The following CDC14A variants were observed in gnomAD, a reference collection of about 807,000 sequenced individuals.
The protein encoded by CDC14A is cell division cycle 14A.
In CDC14A, 53 loss-of-function variants were observed where a neutral mutation model predicts 74.4. The observed-to-expected ratio is 0.71, with a 90% CI of 0.57 to 0.89. CDC14A has a LOEUF of 0.89. CDC14A is among the 40% of genes least tolerant of loss of function. The pLI is 0.00. For missense variants in CDC14A, 646 were observed against 713.7 expected, an observed-to-expected ratio of 0.91 and a Z score of 1.08; for synonymous variants, 247 against 258.4, an observed-to-expected ratio of 0.96 and a Z score of 0.43.
intron 2 of CDC14A, among the ~76,000 whole-genome samples, chr1:100,355,742 A>G (rs1314328118): frequency 6.6e-6 from 1 of 152,208 alleles, no homozygotes; most frequent in Admixed American, 6.5e-5. Context: ...TTACCCCAAC[A>G]TATTACATGG....
chr1:100,359,944 C>CTTT (rs750715999), intron 2 of CDC14A, among the ~76,000 whole-genome samples: 5 of 124,694 alleles, frequency 4.0e-5, no homozygotes, highest in Non-Finnish European at 7.1e-5. Context: ...TCACCTTCTT[C>CTTT]TTTTTTTTTT....
chr1:100,507,537 T>C (rs1649350208), intron 15 of CDC14A, among the ~76,000 whole-genome samples: 1 of 152,138 alleles, frequency 6.6e-6, no homozygotes, highest in South Asian at 2.1e-4. Flanking sequence ...TGGCCTCAAG[T>C]GATCCTCCTG....
At chr1:100,493,576 A>T (rs1382564504) in intron 11 of CDC14A, among the ~76,000 whole-genome samples, 2 of 152,106 alleles carry the variant, frequency 1.3e-5, no homozygotes, top group African/African-American at 2.4e-5. Flanking sequence ...GCAACTTGAG[A>T]CTCTAAGAGA....
intron 15 of CDC14A, chr1:100,499,545 C>A: frequency 1.0e-6 from 1 of 953,906 alleles, no homozygotes; most frequent in Non-Finnish European, 1.5e-6. Flanking sequence ...AGCTTTCATT[C>A]TTTTGATTAT....
At chr1:100,435,557 G>A (rs758458155) in intron 5 of CDC14A, among the ~76,000 whole-genome samples, 6 of 152,068 alleles carry the variant, frequency 3.9e-5, no homozygotes, top group Non-Finnish European at 7.4e-5. Flanking sequence ...GACTGGGCGC[G>A]GTGGCTCACG....
chr1:100,515,285 C>T (rs981990560), intron 15 of CDC14A, among the ~76,000 whole-genome samples: 3 of 152,160 alleles, frequency 2.0e-5, no homozygotes, highest in Non-Finnish European at 2.9e-5. Flanking sequence ...CTGTTGCTCC[C>T]TGAATAGAAA....
At position 100,412,721 on chromosome 1, in the gene CDC14A, TA is replaced by T. The variant is rs1272262554; in HGVS notation, c.310-11500del. On this transcript the variant is annotated intron_variant, in intron 4 of 15. Transcript: ENST00000336454. ...TTATATATATATATATATATATATA[TA>T]TTTTATATATATATATTTTATATAT... is the stretch of plus-strand genomic sequence containing the variant. 3.2e-4 allele frequency among the ~76,000 whole-genome samples: 32 copies of T among 99,520 alleles called. 1 individual carries two copies. Among genetic ancestry groups the T allele is most frequent in the South Asian group, 1.6e-3 (6 of 3,808 alleles). The allele number at this position is 99,520 out of a possible 152,430, so 65.3% of individuals were successfully genotyped here.
chr1:100,509,270 CATG>C (rs1649501538), intron 15 of CDC14A, among the ~76,000 whole-genome samples: 1 of 152,184 alleles, frequency 6.6e-6, no homozygotes, highest in African/African-American at 2.4e-5. Context: ...CCATAGCAAT[CATG>C]ATGTTTTTTG....
chr1:100,468,507 A>G (rs933179827), intron 10 of CDC14A, among the ~76,000 whole-genome samples: 2 of 152,248 alleles, frequency 1.3e-5, no homozygotes, highest in Non-Finnish European at 2.9e-5. Flanking sequence ...TCTCCTGACA[A>G]CTAACTAACT....
At chr1:100,355,646 G>C (rs1651771784) in intron 2 of CDC14A, among the ~76,000 whole-genome samples, 1 of 152,190 alleles carries the variant, frequency 6.6e-6, no homozygotes, top group Admixed American at 6.5e-5. Context: ...AGCCTGGGCA[G>C]AGTGTGTACT....
chr1:100,357,192 T>G (rs1267802506), intron 2 of CDC14A, among the ~76,000 whole-genome samples: 1 of 152,182 alleles, frequency 6.6e-6, no homozygotes, highest in Non-Finnish European at 1.5e-5. Context: ...ACATTTGAGG[T>G]TCTTAAATTT....
At chr1:100,433,967 AC>A (rs1464618556) in intron 5 of CDC14A, among the ~76,000 whole-genome samples, 1 of 152,226 alleles carries the variant, frequency 6.6e-6, no homozygotes, top group Non-Finnish European at 1.5e-5. Context: ...AAGCTCTTTA[AC>A]ATTTAATTGT....
chr1:100,482,023 A>G (rs1260661676), intron 10 of CDC14A, among the ~76,000 whole-genome samples: 1 of 152,216 alleles, frequency 6.6e-6, no homozygotes, highest in African/African-American at 2.4e-5. Flanking sequence ...GCAACACACA[A>G]ATCAGCTCTG....
intron 2 of CDC14A, among the ~76,000 whole-genome samples, chr1:100,374,941 A>G (rs1655024170): frequency 6.6e-6 from 1 of 152,252 alleles, no homozygotes; most frequent in Non-Finnish European, 1.5e-5. Flanking sequence ...TCATAAGTAT[A>G]TGATACAGTC....
rs140680552 is a variant in CDC14A at position 100,486,422 on chromosome 1, G to A, written c.1137+1971G>A. ...TAAGTGTATATAAGTCTACTCCCCC[G>A]TCTTAGTCCATTTGGGCTGCTGTAA... On this transcript the variant is annotated intron_variant, in intron 11 of 15. Transcript: ENST00000336454. 6.9e-3 allele frequency among the ~76,000 whole-genome samples: 1,048 copies of A among 152,250 alleles called. 30 individuals are homozygous for A. Among genetic ancestry groups the A allele is most frequent in the Middle Eastern group, 0.014 (4 of 294 alleles).
rs2101470553 is a variant in CDC14A, at chr1:100,508,529, T to TG, written c.1755+9268dup. Among the ~76,000 whole-genome samples the TG allele has an allele frequency of 6.6e-6, 1 of 152,302 alleles. No individual in the cohort carries two copies. The highest frequency in any genetic ancestry group is 2.1e-4 in the South Asian group (1 of 4,822). On this transcript the variant is annotated intron_variant, in intron 15 of 15. Transcript: ENST00000336454. This position sits in a 1 kb window ranked among gnomAD's most constrained non-coding sequence, Gnocchi z 4.4. ...CTCTCTCTGTTTTTCCCTCCTCGTCTGCTGGCCTTCTTGTTGGCTCTGCCC... is the reference window on the plus strand; with the variant it reads ...CTCTCTCTGTTTTTCCCTCCTCGTCTGGCTGGCCTTCTTGTTGGCTCTGCCC...
At chr1:100,480,835 C>T (rs1440331617) in intron 10 of CDC14A, 1 of 152,118 alleles carries the variant, frequency 6.6e-6, no homozygotes, top group African/African-American at 2.4e-5. Flanking sequence ...GGGTTCTATA[C>T]CTAAACTAGA....
At chr1:100,380,728 C>T in intron 3 of CDC14A, among the ~76,000 whole-genome samples, 1 of 152,182 alleles carries the variant, frequency 6.6e-6, no homozygotes, top group South Asian at 2.1e-4. Context: ...CTTGCCAGCT[C>T]TCACCCTTGT....
rs1288792866 is a variant in CDC14A, at chr1:100,391,076, T to C, written c.309+252T>C. 6.4e-6 allele frequency: 3 copies of C among 466,732 alleles called. No homozygotes were observed. In the Admixed American group the frequency reaches 1.0e-4, roughly 16 times the overall value. 28.9% of individuals were successfully genotyped at this position (466,732 alleles called of 1,614,324 possible). The stretch of plus-strand genomic sequence containing the variant: ...AGCTTGAATTCCACAGTTATATAGG[T>C]ATTTTAATAAAAAGAATACCTACCA... On this transcript the variant is annotated intron_variant, in intron 4 of 15. Coordinates refer to ENST00000336454, the MANE Select transcript of CDC14A (RefSeq NM_003672.4).
Sources: allele counts gnomAD v4.1 joint callset (sites outside exome capture counted in the v4.1 genomes callset), GRCh38; gene constraint gnomAD v4.1.1; non-coding constraint Gnocchi (gnomAD v3.1); transcripts MANE v1.5; gene names NCBI Gene and HGNC (gene_info 2026-07-23, HGNC 2026-07-21).